The following TPX2 variants were observed in gnomAD, a reference collection of about 807,000 sequenced individuals.
TPX2 encodes targeting protein for Xklp2.
Under a neutral mutation model 93.6 loss-of-function variants are expected in TPX2, and 21 were observed. The ratio of observed to expected loss-of-function variants is 0.22; its 90% CI spans 0.16 to 0.32. The LOEUF is 0.32. TPX2 is among the 10% of genes least tolerant of loss of function. TPX2 has a pLI of 1.00. For missense variants in TPX2, 776 were observed against 871.1 expected, an observed-to-expected ratio of 0.89 and a Z score of 1.37; for synonymous variants, 281 against 298.3, an observed-to-expected ratio of 0.94 and a Z score of 0.60.
chr20:31,779,116 C>A lies in TPX2; in HGVS notation c.1054+132C>A, dbSNP rs553574479. Reference sequence around the variant, plus strand: ...AAAGTATGGCGTGTGACTATGCAGACAACAAATGTATCCTTCAGAATTTTT... The same window carrying A: ...AAAGTATGGCGTGTGACTATGCAGAAAACAAATGTATCCTTCAGAATTTTT... On this transcript the variant is annotated intron_variant, in intron 10 of 17. Transcript: ENST00000300403. The A allele has an allele frequency of 1.0e-5, 10 of 992,220 alleles. No individual in the cohort carries two copies. In the South Asian group the frequency reaches 1.8e-4, roughly 17 times the overall value. 61.5% of individuals were successfully genotyped at this position (992,220 alleles called of 1,614,324 possible).
At chr20:31,773,349 C>T (rs1286361575) in intron 7 of TPX2, among the ~76,000 whole-genome samples, 2 of 146,708 alleles carry the variant, frequency 1.4e-5, no homozygotes, top group Admixed American at 1.3e-4. Context: ...TGGAGTTTCA[C>T]CATGTTGGCC....
chr20:31,775,826 T>G, intron 7 of TPX2, 41 bp from the exon 8 acceptor site: 1 of 1,443,578 alleles, frequency 6.9e-7, no homozygotes, highest in Non-Finnish European at 9.1e-7. Context: ...CTGGGTGCCT[T>G]TCTCCTCTCC....
chr20:31,769,435 C>T (rs913467170), intron 5 of TPX2, among the ~76,000 whole-genome samples: 4 of 151,828 alleles, frequency 2.6e-5, no homozygotes, highest in African/African-American at 7.2e-5. Context: ...TCTCCTGCCT[C>T]AGCCTCTCAA....
chr20:31,762,208 C>T (rs949643978), intron 4 of TPX2, among the ~76,000 whole-genome samples: 1 of 152,160 alleles, frequency 6.6e-6, no homozygotes, highest in African/African-American at 2.4e-5. Context: ...ATTGTTTCCT[C>T]TGCTGTGCAG....
chr20:31,776,990 A>G (rs1235735155), intron 8 of TPX2, among the ~76,000 whole-genome samples: 3 of 152,212 alleles, frequency 2.0e-5, no homozygotes, highest in African/African-American at 7.2e-5. Context: ...TGTGGAGGAA[A>G]AATATGACTG....
chr20:31,766,724 G>A (rs1418287877), intron 5 of TPX2, 42 bp downstream of exon 5: 1 of 1,575,616 alleles, frequency 6.3e-7, no homozygotes, highest in Non-Finnish European at 8.6e-7. Flanking sequence ...TGATAATAAT[G>A]TTCAAAGGAT....
intron 1 of TPX2, among the ~76,000 whole-genome samples, chr20:31,741,366 C>T (rs1373544561): frequency 6.6e-6 from 1 of 150,636 alleles, no homozygotes; most frequent in Non-Finnish European, 1.5e-5. Flanking sequence ...GGCTGGAGTG[C>T]AGTGGCGCGA....
At position 31,775,964 on chromosome 20, in the gene TPX2, A is replaced by G; in HGVS notation, c.706A>G (p.Lys236Glu). 1 of 1,574,808 alleles carries G rather than the reference A, an allele frequency of 6.3e-7. No individual in the cohort carries two copies. The highest frequency in any genetic ancestry group is 1.1e-5 in the South Asian group (1 of 88,502). Residue 236 changes from lysine to glutamate, a missense_variant, in exon 8 of 18, where the codon AAG (lysine) becomes GAG (glutamate). This residue lies in a region of TPX2 where 279 missense variants were observed against 261.6 expected (regional missense o/e 1.07). Coordinates refer to ENST00000300403, the MANE Select transcript of TPX2 (RefSeq NM_012112.5). ...GATGCGGAAAAAGAATGAAGAATTC[A>G]AGAAACTTGCTCTGGCTGGAATAGG... ...VEMRKKNEEF[K>E]KLALAGIGQP...
Position 31,797,492 on chromosome 20 carries a change from A to G in TPX2, c.1922A>G (p.Lys641Arg). Residue 641 changes from lysine to arginine, a missense_variant, in exon 16 of 18, where the codon AAG becomes AGG. Lys to Arg is a conservative substitution (Grantham distance 26). Around this residue, in one of 3 missense-constraint regions of TPX2, gnomAD observed 461 missense variants for 551.2 expected, o/e 0.84. Coordinates refer to ENST00000300403, the MANE Select transcript of TPX2 (RefSeq NM_012112.5). ...TVISQEPFVP[K>R]KEKKSVAEGL... Reference sequence around the variant, plus strand: ...ATCTCTCAGGAGCCCTTTGTTCCCAAGAAAGAGAAGAAATCAGTTGCTGGT... The same window carrying G: ...ATCTCTCAGGAGCCCTTTGTTCCCAGGAAAGAGAAGAAATCAGTTGCTGGT... 6.2e-7 allele frequency: 1 copy of G among 1,614,056 alleles called. No homozygotes were observed. Among genetic ancestry groups the G allele is most frequent in the Non-Finnish European group, 8.5e-7 (1 of 1,179,936 alleles).
chr20:31,757,202 C>G (rs975009934), intron 2 of TPX2, among the ~76,000 whole-genome samples: 3 of 152,162 alleles, frequency 2.0e-5, no homozygotes, highest in Non-Finnish European at 4.4e-5. Flanking sequence ...GCCACTGTGT[C>G]TGGCCCACTT....
intron 4 of TPX2, 27 bp downstream of exon 4, chr20:31,760,206 C>A (rs749481453): frequency 3.1e-6 from 5 of 1,611,888 alleles, no homozygotes; most frequent in Non-Finnish European, 4.2e-6. Context: ...GAAAAAAGCT[C>A]CTTGATAGAA....
chr20:31,768,171 C>T (rs1003607301), intron 5 of TPX2, among the ~76,000 whole-genome samples: 2 of 151,708 alleles, frequency 1.3e-5, no homozygotes, highest in Admixed American at 1.3e-4. Context: ...TGAGCTCAAG[C>T]GATCTGCCCA....
intron 10 of TPX2, among the ~76,000 whole-genome samples, chr20:31,779,815 G>A (rs750736553): frequency 6.6e-6 from 1 of 152,186 alleles, no homozygotes; most frequent in African/African-American, 2.4e-5. Context: ...TGGAAGAGTG[G>A]GAGGAATGGG....
chr20:31,800,518 G>T (rs1170285233), intron 17 of TPX2, among the ~76,000 whole-genome samples: 3 of 152,150 alleles, frequency 2.0e-5, no homozygotes, highest in Non-Finnish European at 4.4e-5. Flanking sequence ...ACCCTTCCTG[G>T]TATGGTTGTT....
intron 2 of TPX2, among the ~76,000 whole-genome samples, chr20:31,748,572 C>G (rs2061798548): frequency 1.3e-5 from 2 of 152,110 alleles, no homozygotes; most frequent in African/African-American, 4.8e-5. Flanking sequence ...CAGGATTTGT[C>G]TTTGTTGAAC....
Position 31,797,514 on chromosome 20 carries a change from T to C in TPX2, c.1944T>C (p.Ala648=), listed in dbSNP as rs1210923496. 6.2e-7 allele frequency: 1 copy of C among 1,613,838 alleles called. No homozygotes were observed. The highest frequency in any genetic ancestry group is 8.5e-7 in the Non-Finnish European group (1 of 1,179,798). The change falls in exon 16 of 18, where the codon GCT becomes GCC. Residue 648 remains alanine, a splice_region_variant and synonymous_variant. Coordinates refer to ENST00000300403, the MANE Select transcript of TPX2 (RefSeq NM_012112.5). ...FVPKKEKKSV[A]EGLSGSLVQE... Reference sequence around the variant, plus strand: ...CCAAGAAAGAGAAGAAATCAGTTGCTGGTAGTATTATATGTACTCTGATGG... The same window carrying C: ...CCAAGAAAGAGAAGAAATCAGTTGCCGGTAGTATTATATGTACTCTGATGG...
chr20:31,741,486 A>AT (rs11429328), intron 1 of TPX2, among the ~76,000 whole-genome samples: 55,657 of 144,136 alleles, frequency 0.39, 10,905 homozygotes, highest in African/African-American at 0.51. Context: ...TAATTTTTGT[A>AT]TTTTTTTTTT....
At chr20:31,777,755 T>C (rs1042956468) in intron 9 of TPX2, 117 bp downstream of exon 9, 14 of 1,074,212 alleles carry the variant, frequency 1.3e-5, no homozygotes, top group Non-Finnish European at 1.4e-5. Flanking sequence ...CTTGTGTCTA[T>C]AAAGTTGTGT....
At position 31,783,811 on chromosome 20, in the gene TPX2, T is replaced by C. The variant is rs534085057; in HGVS notation, c.1303T>C (p.Leu435=). 2.5e-6 allele frequency: 4 copies of C among 1,612,934 alleles called. No individual in the cohort carries two copies. Among genetic ancestry groups the C allele is most frequent in the South Asian group, 1.1e-5 (1 of 90,692 alleles). The change falls in exon 12 of 18, where the codon TTG becomes CTG. Residue 435 remains leucine, a synonymous_variant. Transcript: ENST00000300403. ...KPPTEPIGFD[L]EIEKRIQERE... is the part of the protein sequence containing the mutation. ...ACCCACCGAGCCTATTGGCTTTGAT[T>C]TGGAAATTGAGAAAAGAATCCAGGA...
Sources: gnomAD v4.1 joint callset for allele counts (sites outside exome capture counted in the v4.1 genomes callset) on GRCh38, gnomAD v4.1.1 for gene constraint, gnomAD v4.1.1 regional missense constraint, MANE v1.5 for transcripts, NCBI Gene and HGNC (gene_info 2026-07-23, HGNC 2026-07-21) for gene names.